Variants in CPQ observed in about 807,000 individuals in gnomAD.
The protein encoded by CPQ is Ser-Met dipeptidase.
In CPQ, 37 loss-of-function variants were observed where a neutral mutation model predicts 45.7. That is an observed-to-expected ratio of 0.81 (90% CI 0.62 to 1.07). CPQ has a LOEUF of 1.07. CPQ is among the 50% of genes least tolerant of loss of function. CPQ has a pLI of 0.00. For missense variants in CPQ, 537 were observed against 572.9 expected, an observed-to-expected ratio of 0.94 and a Z score of 0.64; for synonymous variants, 186 against 205.8, an observed-to-expected ratio of 0.90 and a Z score of 0.82.
rs550930892 is a variant in CPQ at position 97,044,806 on chromosome 8, G to A, written c.1053+15312G>A. ...GGTGGCTGCAGAACAGCGGATTTTCGTGAACTGCGAATGCTGCTGTCTGAT... is the reference window on the plus strand; with the variant it reads ...GGTGGCTGCAGAACAGCGGATTTTCATGAACTGCGAATGCTGCTGTCTGAT... On this transcript the variant is annotated intron_variant, in intron 6 of 7. Coordinates refer to ENST00000220763, the MANE Select transcript of CPQ (RefSeq NM_016134.4). Among the ~76,000 whole-genome samples, 77 of 152,276 alleles carry A rather than the reference G, an allele frequency of 5.1e-4. No homozygotes were observed. The Middle Eastern group carries it at 0.014, about 27-fold the overall frequency.
At chr8:96,905,856 G>A (rs1401023110) in intron 4 of CPQ, among the ~76,000 whole-genome samples, 1 of 151,446 alleles carries the variant, frequency 6.6e-6, no homozygotes, top group Non-Finnish European at 1.5e-5. Context: ...AATTGGATAA[G>A]TTTGGGTACT....
chr8:96,719,083 T>C (rs1045686253), intron 1 of CPQ, among the ~76,000 whole-genome samples: 4 of 152,224 alleles, frequency 2.6e-5, no homozygotes, highest in African/African-American at 9.6e-5. Context: ...TGCTGTGCGC[T>C]CGCACTCCTC....
At chr8:97,131,175 T>A (rs1453478435) in intron 7 of CPQ, among the ~76,000 whole-genome samples, 2 of 152,230 alleles carry the variant, frequency 1.3e-5, no homozygotes, top group East Asian at 3.8e-4. Flanking sequence ...GGGAAAAACC[T>A]CACTAATATT....
At chr8:96,711,069 G>A (rs181467432) in intron 1 of CPQ, among the ~76,000 whole-genome samples, 74 of 152,136 alleles carry the variant, frequency 4.9e-4, no homozygotes, top group African/African-American at 1.7e-3. Context: ...ATGTCTTCTT[G>A]TGACCTTTTT....
chr8:97,035,987 G>A (rs1352645413), intron 6 of CPQ, among the ~76,000 whole-genome samples: 2 of 152,284 alleles, frequency 1.3e-5, no homozygotes, highest in Non-Finnish European at 1.5e-5. Flanking sequence ...GATTACAGGC[G>A]TGAGCCACCA....
Position 96,844,630 on chromosome 8 carries a change from T to C in CPQ, c.641+9450T>C, listed in dbSNP as rs573193816. Among the ~76,000 whole-genome samples the C allele has an allele frequency of 9.8e-5, 15 of 152,324 alleles. No homozygotes were observed. The South Asian group carries it at 2.9e-3, about 29-fold the overall frequency. On this transcript the variant is annotated intron_variant, in intron 3 of 7. Coordinates refer to ENST00000220763, the MANE Select transcript of CPQ (RefSeq NM_016134.4). ...ACACAGACTGAAACATGGGAAGTGA[T>C]TGATGAAATATAACTGACGTCTTAT...
chr8:96,739,217 G>A (rs1204711891), intron 1 of CPQ, among the ~76,000 whole-genome samples: 7 of 147,890 alleles, frequency 4.7e-5, no homozygotes, highest in African/African-American at 1.2e-4. Flanking sequence ...GCCAGTGATG[G>A]TGAGCATTTT....
intron 5 of CPQ, among the ~76,000 whole-genome samples, chr8:97,027,451 T>A (rs753426510): frequency 7.2e-5 from 11 of 152,242 alleles, no homozygotes; most frequent in Admixed American, 6.5e-5. Flanking sequence ...AGGGTTGTCT[T>A]ACATGTGTTA....
At chr8:96,855,228 G>A (rs892541630) in intron 3 of CPQ, among the ~76,000 whole-genome samples, 1 of 152,168 alleles carries the variant, frequency 6.6e-6, no homozygotes, top group African/African-American at 2.4e-5. Flanking sequence ...CCAGAATAAA[G>A]TTTGACCAAA....
intron 7 of CPQ, among the ~76,000 whole-genome samples, chr8:97,071,715 G>C (rs932695270): frequency 6.6e-6 from 1 of 152,138 alleles, no homozygotes; most frequent in Non-Finnish European, 1.5e-5. Context: ...ATATCAACCT[G>C]GATGCTTTTG....
chr8:96,756,684 G>A (rs890954124), intron 1 of CPQ, among the ~76,000 whole-genome samples: 2 of 152,022 alleles, frequency 1.3e-5, no homozygotes, highest in Non-Finnish European at 2.9e-5. Context: ...GACCATTCTT[G>A]GGAAATGTTT....
intron 4 of CPQ, among the ~76,000 whole-genome samples, chr8:96,935,976 T>C (rs1813043413): frequency 6.6e-6 from 1 of 152,188 alleles, no homozygotes; most frequent in South Asian, 2.1e-4. Context: ...ATTGCTTATC[T>C]TTCTCATGAA....
At chr8:96,721,439 A>G (rs750386916) in intron 1 of CPQ, among the ~76,000 whole-genome samples, 2 of 151,970 alleles carry the variant, frequency 1.3e-5, no homozygotes, top group Non-Finnish European at 2.9e-5. Flanking sequence ...TTATGGAGGG[A>G]CAGTACACCT....
intron 3 of CPQ, among the ~76,000 whole-genome samples, chr8:96,874,419 C>T (rs1230009518): frequency 2.6e-5 from 4 of 151,734 alleles, no homozygotes; most frequent in Non-Finnish European, 5.9e-5. Flanking sequence ...AATTTTAGGA[C>T]ATTTCATCAT....
At chr8:97,084,897 C>A (rs796760830) in intron 7 of CPQ, among the ~76,000 whole-genome samples, 38 of 150,568 alleles carry the variant, frequency 2.5e-4, no homozygotes, top group African/African-American at 9.3e-4. Context: ...TAAAGGCTTT[C>A]TCTTACCCAT....
intron 1 of CPQ, among the ~76,000 whole-genome samples, chr8:96,767,635 CTTT>C (rs1172189500): frequency 1.2e-3 from 47 of 39,300 alleles, no homozygotes; most frequent in African/African-American, 4.6e-3. Flanking sequence ...GTTACCTATG[CTTT>C]TTTTTTTTTT....
chr8:96,751,897 C>G (rs1033043702), intron 1 of CPQ, among the ~76,000 whole-genome samples: 1 of 152,128 alleles, frequency 6.6e-6, no homozygotes, highest in Non-Finnish European at 1.5e-5. Flanking sequence ...TAAAGAGAAT[C>G]CTTTCCACAT....
At chr8:97,001,095 C>A (rs539579815) in intron 5 of CPQ, among the ~76,000 whole-genome samples, 1 of 152,216 alleles carries the variant, frequency 6.6e-6, no homozygotes, top group East Asian at 1.9e-4. Context: ...ATTTTGTATC[C>A]TGAGACTTTG....
At chr8:96,853,349 G>A (rs888052866) in intron 3 of CPQ, among the ~76,000 whole-genome samples, 2 of 152,208 alleles carry the variant, frequency 1.3e-5, no homozygotes, top group African/African-American at 4.8e-5. Flanking sequence ...AGAACAGGAA[G>A]AGAAAGCTCA....
Sources: allele counts gnomAD v4.1 joint callset (sites outside exome capture counted in the v4.1 genomes callset), GRCh38; gene constraint gnomAD v4.1.1; transcripts MANE v1.5; gene names NCBI Gene and HGNC (gene_info 2026-07-23, HGNC 2026-07-21).